PPARGC1A: variants seen among roughly 807,000 people sequenced by gnomAD.
The protein encoded by PPARGC1A is PPARG coactivator 1 alpha.
A neutral mutation model predicts 88.7 loss-of-function variants in PPARGC1A; 25 were observed. The observed-to-expected ratio is 0.28, with a 90% confidence interval of 0.21 to 0.39. The LOEUF is 0.39. Ranked by LOEUF, PPARGC1A falls within the 10% of genes least tolerant of loss-of-function variation. The probability of loss-of-function intolerance (pLI) is 1.00; values close to 1 mark genes in which losing one functional copy is unlikely to be tolerated. For synonymous variants in PPARGC1A, 363 were observed against 355.6 expected (o/e 1.02, Z -0.24); for missense variants, 880 against 968.7 (o/e 0.91, Z 1.22).
the PPARGC1A span, among the ~76,000 whole-genome samples, chr4:24,097,463 A>G: frequency 2.2e-4 from 33 of 152,266 alleles, no homozygotes; most frequent in African/African-American, 7.7e-4. Flanking sequence ...CTTCACCTCA[A>G]TGAAATTTTC....
chr4:24,095,896 C>T, the PPARGC1A span, among the ~76,000 whole-genome samples: 2 of 152,160 alleles, frequency 1.3e-5, no homozygotes, highest in Admixed American at 6.5e-5. Context: ...GAAGCCCTCA[C>T]GGCAGCCTCA....
chr4:24,058,662 C>T, the PPARGC1A span, among the ~76,000 whole-genome samples: 4 of 152,124 alleles, frequency 2.6e-5, no homozygotes, highest in African/African-American at 7.2e-5. Flanking sequence ...GATTAGAGCA[C>T]ATGGCTAGGC....
chr4:24,447,995 G>A, the PPARGC1A span, among the ~76,000 whole-genome samples: 9 of 152,190 alleles, frequency 5.9e-5, no homozygotes, highest in East Asian at 7.7e-4. Flanking sequence ...TACACAGAGC[G>A]TGTCTGCTGC....
chr4:24,192,052 A>G, the PPARGC1A span, among the ~76,000 whole-genome samples: 1 of 152,152 alleles, frequency 6.6e-6, no homozygotes, highest in Admixed American at 6.5e-5. Context: ...CTCTAAGTTT[A>G]TATGTTTGAT....
the PPARGC1A span, among the ~76,000 whole-genome samples, chr4:24,144,547 G>C: frequency 6.6e-6 from 1 of 151,818 alleles, no homozygotes; most frequent in Non-Finnish European, 1.5e-5. Context: ...ACCCTTTGCT[G>C]TACCGTGTCC....
At chr4:24,008,281 A>G in the PPARGC1A span, among the ~76,000 whole-genome samples, 1 of 152,182 alleles carries the variant, frequency 6.6e-6, no homozygotes, top group South Asian at 2.1e-4. Flanking sequence ...GGAAGATAAA[A>G]GTTTATTTGA....
At chr4:24,080,323 T>A in the PPARGC1A span, among the ~76,000 whole-genome samples, 2 of 152,042 alleles carry the variant, frequency 1.3e-5, no homozygotes, top group Admixed American at 1.3e-4. Flanking sequence ...GAATAATTTT[T>A]ATCTTCATAG....
At chr4:24,152,531 C>A in the PPARGC1A span, among the ~76,000 whole-genome samples, 2 of 152,182 alleles carry the variant, frequency 1.3e-5, no homozygotes, top group Non-Finnish European at 2.9e-5. Context: ...AGGTTGAACA[C>A]AATCAGGAGC....
chr4:23,963,812 A>G, the PPARGC1A span, among the ~76,000 whole-genome samples: 1 of 152,180 alleles, frequency 6.6e-6, no homozygotes, highest in Non-Finnish European at 1.5e-5. Flanking sequence ...AAGCTGGCCA[A>G]AGGAATGGGA....
At chr4:24,149,755 G>GC in the PPARGC1A span, among the ~76,000 whole-genome samples, 1 of 152,172 alleles carries the variant, frequency 6.6e-6, no homozygotes. Context: ...CAGCGTGGAA[G>GC]CTTTGTTCAG....
At chr4:24,061,302 C>T in the PPARGC1A span, among the ~76,000 whole-genome samples, 1 of 152,184 alleles carries the variant, frequency 6.6e-6, no homozygotes, top group African/African-American at 2.4e-5. Flanking sequence ...TCAGTTTTGG[C>T]CTGATGACTT....
At chr4:24,431,972 A>G in the PPARGC1A span, among the ~76,000 whole-genome samples, 1 of 152,216 alleles carries the variant, frequency 6.6e-6, no homozygotes, top group Non-Finnish European at 1.5e-5. Flanking sequence ...AGAAAGATCC[A>G]TTTCAATAAC....
chr4:24,121,095 C>A, the PPARGC1A span, among the ~76,000 whole-genome samples: 1 of 152,186 alleles, frequency 6.6e-6, no homozygotes, highest in Admixed American at 6.5e-5. Flanking sequence ...TAATAACAGC[C>A]TGGCAAGGTT....
the PPARGC1A span, among the ~76,000 whole-genome samples, chr4:24,151,198 G>A: frequency 6.6e-6 from 1 of 152,190 alleles, no homozygotes; most frequent in South Asian, 2.1e-4. Context: ...GGTACCTAGT[G>A]TCTTAGTGTA....
the PPARGC1A span, among the ~76,000 whole-genome samples, chr4:24,295,943 C>T: frequency 3.3e-5 from 5 of 150,136 alleles, no homozygotes; most frequent in East Asian, 3.9e-4. Context: ...TCTGAGATGC[C>T]GGTATTATTT....
the PPARGC1A span, among the ~76,000 whole-genome samples, chr4:24,202,092 G>A: frequency 3.3e-5 from 5 of 152,028 alleles, no homozygotes; most frequent in African/African-American, 1.2e-4. Context: ...TGTAGTGACA[G>A]GGTTTCACCA....
At chr4:24,222,863 T>C in the PPARGC1A span, among the ~76,000 whole-genome samples, 2 of 152,216 alleles carry the variant, frequency 1.3e-5, no homozygotes, top group African/African-American at 2.4e-5. Context: ...GACACAATAC[T>C]AAACTGGCTA....
the PPARGC1A span, among the ~76,000 whole-genome samples, chr4:24,212,024 T>C: frequency 6.6e-6 from 1 of 152,146 alleles, no homozygotes; most frequent in African/African-American, 2.4e-5. Flanking sequence ...ACGCCCTTTC[T>C]ACAACTTCAT....
At chr4:24,388,695 C>A in the PPARGC1A span, among the ~76,000 whole-genome samples, 1 of 152,126 alleles carries the variant, frequency 6.6e-6, no homozygotes, top group South Asian at 2.1e-4. Context: ...TGGAAGCCAT[C>A]ATTCTCGGCA....
Sources: gnomAD v4.1 joint callset for allele counts (sites outside exome capture counted in the v4.1 genomes callset) on GRCh38, gnomAD v4.1.1 for gene constraint, MANE v1.5 for transcripts, NCBI Gene and HGNC (gene_info 2026-07-23, HGNC 2026-07-21) for gene names.